Variants in FHIP1A observed in about 807,000 individuals in gnomAD.
The protein encoded by FHIP1A is FHF complex subunit HOOK-interacting protein 1A.
FHIP1A carries 61 observed loss-of-function variants against 88.6 expected under a neutral mutation model. The observed-to-expected ratio is 0.69, with a 90% CI of 0.56 to 0.85. The LOEUF (loss-of-function observed/expected upper bound fraction) is 0.85. Among genes scored for constraint, FHIP1A ranks in the 40% least tolerant of loss-of-function variants. The pLI, the probability that FHIP1A is intolerant of heterozygous loss-of-function variation, is 0.00. For synonymous variants in FHIP1A, 478 were observed against 496.0 expected, an observed-to-expected ratio of 0.96 and a Z score of 0.48; for missense variants, 1,154 against 1,273.5, an observed-to-expected ratio of 0.91 and a Z score of 1.43.
rs185211523 is a variant in FHIP1A at position 151,563,423 on chromosome 4, A to G, written c.-122-2715A>G. ...AGGCATGAAATTTGAGTCAATGTGCATGTGTGTCTTTACGGGAAGAACAGA... is the reference window on the plus strand; with the variant it reads ...AGGCATGAAATTTGAGTCAATGTGCGTGTGTGTCTTTACGGGAAGAACAGA... On this transcript the variant is annotated intron_variant, in intron 3 of 13. Transcript: ENST00000435205. Among the ~76,000 whole-genome samples, 218 of 152,314 alleles carry G rather than the reference A, an allele frequency of 1.4e-3. 1 individual carries two copies. The highest frequency in any genetic ancestry group is 4.7e-3 in the African/African-American group (194 of 41,574).
intron 4 of FHIP1A, among the ~76,000 whole-genome samples, chr4:151,575,328 G>A (rs373615493): frequency 6.6e-6 from 1 of 152,178 alleles, no homozygotes; most frequent in South Asian, 2.1e-4. Context: ...GAGGTAGAGG[G>A]TCCCTTTGGA....
intron 7 of FHIP1A, among the ~76,000 whole-genome samples, chr4:151,617,113 C>A (rs778860848): frequency 2.4e-4 from 37 of 152,092 alleles, no homozygotes; most frequent in Admixed American, 7.2e-4. Flanking sequence ...AGGCTCAATC[C>A]CAAGCTCAAC....
At chr4:151,641,386 T>A (rs1275716568) in intron 9 of FHIP1A, among the ~76,000 whole-genome samples, 9 of 152,232 alleles carry the variant, frequency 5.9e-5, no homozygotes, top group South Asian at 2.1e-4. Context: ...ATTGGGAGGA[T>A]CAACTGTGGT....
chr4:151,633,378 AC>A (rs1736228626), intron 8 of FHIP1A, among the ~76,000 whole-genome samples: 1 of 151,980 alleles, frequency 6.6e-6, no homozygotes, highest in Non-Finnish European at 1.5e-5. Context: ...GGTCTACCAA[AC>A]ATGTAAAGAA....
chr4:151,433,329 G>T (rs770907953), intron 1 of FHIP1A, among the ~76,000 whole-genome samples: 4 of 151,434 alleles, frequency 2.6e-5, no homozygotes, highest in Non-Finnish European at 5.9e-5. Flanking sequence ...AAATGTGATG[G>T]GTCCCTGTGG....
At chr4:151,527,121 T>G (rs1731700190) in intron 3 of FHIP1A, among the ~76,000 whole-genome samples, 1 of 148,020 alleles carries the variant, frequency 6.8e-6, no homozygotes, top group African/African-American at 2.5e-5. Flanking sequence ...CCAGACGGGG[T>G]GGCGGCCGGG....
rs369826533 is a variant in FHIP1A at position 151,602,853 on chromosome 4, AAGAC to A, written c.978+13933_978+13936del. Among the ~76,000 whole-genome samples the A allele has an allele frequency of 3.3e-3, 498 of 152,250 alleles. 1 individual carries two copies. Among genetic ancestry groups the A allele is most frequent in the Middle Eastern group, 0.014 (4 of 294 alleles). ...AAGAGAAGGGAAAGGTGTGGAGAAA[AAGAC>A]AGACACAAGTGATTCAAGATTTAAG... On this transcript the variant is annotated intron_variant, in intron 7 of 13. Transcript: ENST00000435205.
At chr4:151,552,890 C>A (rs1732801593) in intron 3 of FHIP1A, among the ~76,000 whole-genome samples, 1 of 151,350 alleles carries the variant, frequency 6.6e-6, no homozygotes. Context: ...AGATCCATTT[C>A]TCCCGGGTGT....
intron 7 of FHIP1A, among the ~76,000 whole-genome samples, chr4:151,591,611 G>A (rs540820516): frequency 7.4e-4 from 112 of 152,090 alleles, no homozygotes; most frequent in Non-Finnish European, 1.3e-3. Flanking sequence ...CTGGCCCCTG[G>A]CCCCCTGACA....
intron 7 of FHIP1A, among the ~76,000 whole-genome samples, chr4:151,616,434 T>G (rs1346760697): frequency 6.9e-6 from 1 of 145,214 alleles, no homozygotes. Context: ...AAATATATCT[T>G]TCTTTCTTTC....
intron 1 of FHIP1A, among the ~76,000 whole-genome samples, chr4:151,414,698 A>T (rs1732817291): frequency 6.6e-6 from 1 of 152,200 alleles, no homozygotes; most frequent in Non-Finnish European, 1.5e-5. Context: ...GAGAGTGAGG[A>T]TACTACTGCC....
rs370066018 is a variant in FHIP1A, at chr4:151,646,690, G to T, written c.1359G>T (p.Thr453=). The T allele has an allele frequency of 7.1e-6, 11 of 1,551,482 alleles. No individual in the cohort carries two copies. The Admixed American group carries it at 1.4e-4, about 19-fold the overall frequency. The part of the protein sequence containing the change: ...PVCCSSGITL[T]LGNQERDYIL... ...GCTGCTCCAGCGGGATCACTCTGAC[G>T]CTGGGGAACCAAGAGAGGGATTATA... The change falls in exon 10 of 14, where the codon ACG becomes ACT. Residue 453 remains threonine (T), a synonymous_variant. Transcript: ENST00000435205.
intron 3 of FHIP1A, among the ~76,000 whole-genome samples, chr4:151,492,393 A>G (rs1265546480): frequency 6.6e-6 from 1 of 152,002 alleles, no homozygotes; most frequent in Non-Finnish European, 1.5e-5. Context: ...GGAGTTCGAT[A>G]ACAGCCTGAT....
At chr4:151,486,385 T>C (rs1219011064) in intron 3 of FHIP1A, among the ~76,000 whole-genome samples, 1 of 152,182 alleles carries the variant, frequency 6.6e-6, no homozygotes, top group Non-Finnish European at 1.5e-5. Context: ...ATTTTAGACA[T>C]TTCAAGAAGC....
chr4:151,648,612 T>A (rs1483432970), intron 10 of FHIP1A, among the ~76,000 whole-genome samples: 1 of 151,892 alleles, frequency 6.6e-6, no homozygotes, highest in Non-Finnish European at 1.5e-5. Flanking sequence ...ACAATTTGGG[T>A]TGGGTGTTCT....
intron 1 of FHIP1A, among the ~76,000 whole-genome samples, chr4:151,418,172 TAAAAAAAAAAA>T: frequency 1.3e-5 from 1 of 77,946 alleles, no homozygotes; most frequent in South Asian, 5.6e-4. Context: ...AACCTATCTC[TAAAAAAAAAAA>T]AAAAAAAAAA....
At chr4:151,546,757 T>G (rs549971854) in intron 3 of FHIP1A, among the ~76,000 whole-genome samples, 24 of 152,314 alleles carry the variant, frequency 1.6e-4, no homozygotes, top group African/African-American at 5.5e-4. Flanking sequence ...ACTGTTAATG[T>G]GGACATACAC....
chr4:151,414,063 T>G (rs2126506134), intron 1 of FHIP1A, among the ~76,000 whole-genome samples: 1 of 152,164 alleles, frequency 6.6e-6, no homozygotes, highest in East Asian at 1.9e-4. Flanking sequence ...TTTGTTTTTT[T>G]TTTTTGAGAC....
intron 11 of FHIP1A, among the ~76,000 whole-genome samples, chr4:151,654,346 A>C (rs894125966): frequency 1.3e-5 from 2 of 151,570 alleles, no homozygotes; most frequent in Non-Finnish European, 1.5e-5. Context: ...CCCTTATAGT[A>C]GTGATGTCCT....
Sources: gnomAD v4.1 joint callset for allele counts (sites outside exome capture counted in the v4.1 genomes callset) on GRCh38, gnomAD v4.1.1 for gene constraint, MANE v1.5 for transcripts, NCBI Gene and HGNC (gene_info 2026-07-23, HGNC 2026-07-21) for gene names.